The following MSRA variants were observed in gnomAD, a reference collection of about 807,000 sequenced individuals.
MSRA encodes the protein mitochondrial peptide methionine sulfoxide reductase.
In MSRA, 54 loss-of-function variants were observed where a neutral mutation model predicts 31.3. The observed-to-expected ratio is 1.73, with a 90% CI of 1.39 to 2.17. The LOEUF is 2.17. MSRA is among the 30% of genes most tolerant of loss of function. MSRA has a pLI of 0.00. For synonymous variants in MSRA, 169 were observed against 116.5 expected, an observed-to-expected ratio of 1.45 and a Z score of -2.90; for missense variants, 507 against 300.9, an observed-to-expected ratio of 1.69 and a Z score of -5.07.
At chr8:10,245,270 G>T (rs1290460112) in intron 3 of MSRA, 47 bp downstream of exon 3, 20 of 1,573,962 alleles carry the variant, frequency 1.3e-5, no homozygotes, top group East Asian at 4.5e-5. Flanking sequence ...ACAAGGGAGG[G>T]CTTGTCACTA....
intron 1 of MSRA, among the ~76,000 whole-genome samples, chr8:10,089,875 T>G (rs978284812): frequency 7.2e-5 from 11 of 152,184 alleles, no homozygotes; most frequent in Non-Finnish European, 1.5e-4. Flanking sequence ...AGAGCTCACT[T>G]GATCCCTTGA....
intron 2 of MSRA, among the ~76,000 whole-genome samples, chr8:10,218,990 C>T (rs1446188196): frequency 1.3e-5 from 2 of 152,176 alleles, no homozygotes; most frequent in African/African-American, 4.8e-5. Flanking sequence ...GTTCTTTCCC[C>T]AGATCTTGTG....
rs1385731390 is a variant in MSRA, at chr8:10,187,182, A to G, written c.143-20651A>G. On this transcript the variant is annotated intron_variant, in intron 1 of 5. Coordinates refer to ENST00000317173, the MANE Select transcript of MSRA (RefSeq NM_012331.5). ...CGGGAAATGGTACGACCAGCCGCTG[A>G]TTGAGCCCCCTTTGACATTTGGTCT... is the stretch of plus-strand genomic sequence containing the variant. Among the ~76,000 whole-genome samples the G allele has an allele frequency of 2.0e-5, 3 of 152,212 alleles. No homozygotes were observed. In the East Asian group the frequency reaches 5.8e-4, roughly 29 times the overall value.
chr8:10,106,622 G>C (rs559258637), intron 1 of MSRA, among the ~76,000 whole-genome samples: 4 of 152,286 alleles, frequency 2.6e-5, no homozygotes, highest in African/African-American at 7.2e-5. Flanking sequence ...TGAAGTGCCT[G>C]GGCTTGTTAG....
chr8:10,229,884 ACT>A (rs1274162081), intron 2 of MSRA, among the ~76,000 whole-genome samples: 1 of 152,066 alleles, frequency 6.6e-6, no homozygotes, highest in Non-Finnish European at 1.5e-5. Flanking sequence ...TCTGTGTTTG[ACT>A]CTGCATTCCC....
intron 3 of MSRA, among the ~76,000 whole-genome samples, chr8:10,258,210 C>T (rs1382164376): frequency 6.6e-6 from 1 of 152,158 alleles, no homozygotes; most frequent in Non-Finnish European, 1.5e-5. Context: ...GACGCAGGGA[C>T]AGTCTATGTC....
chr8:10,230,830 G>C (rs1811407487), intron 2 of MSRA, among the ~76,000 whole-genome samples: 1 of 152,154 alleles, frequency 6.6e-6, no homozygotes, highest in African/African-American at 2.4e-5. Flanking sequence ...CGTTGCCCAG[G>C]CTGGAGTATA....
intron 2 of MSRA, among the ~76,000 whole-genome samples, chr8:10,243,769 A>G (rs571555865): frequency 6.6e-6 from 1 of 152,296 alleles, no homozygotes; most frequent in African/African-American, 2.4e-5. Context: ...AGTAGTTATA[A>G]TAAAAGTGCA....
intron 2 of MSRA, among the ~76,000 whole-genome samples, chr8:10,232,078 A>G (rs1167590925): frequency 6.6e-6 from 1 of 152,170 alleles, no homozygotes; most frequent in African/African-American, 2.4e-5. Context: ...CACTCCTCCT[A>G]TCCAGCCTAA....
intron 4 of MSRA, among the ~76,000 whole-genome samples, chr8:10,311,606 T>C (rs935366372): frequency 3.3e-5 from 5 of 152,168 alleles, no homozygotes; most frequent in African/African-American, 1.2e-4. Flanking sequence ...AAAATCGTCT[T>C]ATGTTAGAAA....
intron 3 of MSRA, among the ~76,000 whole-genome samples, chr8:10,257,212 T>C (rs996208712): frequency 2.6e-5 from 4 of 152,080 alleles, no homozygotes; most frequent in African/African-American, 9.7e-5. Context: ...TTCAAGTGAC[T>C]TGAGAGGATC....
intron 5 of MSRA, among the ~76,000 whole-genome samples, chr8:10,409,565 C>T (rs1187402364): frequency 1.3e-5 from 2 of 152,204 alleles, no homozygotes; most frequent in Non-Finnish European, 2.9e-5. Flanking sequence ...GCAGCAGATA[C>T]TACTGTGATC....
chr8:10,139,120 G>A (rs1585011881), intron 1 of MSRA, among the ~76,000 whole-genome samples: 1 of 152,326 alleles, frequency 6.6e-6, no homozygotes, highest in East Asian at 1.9e-4. Flanking sequence ...AGTGGAAAAT[G>A]CCGAAGAATA....
intron 1 of MSRA, among the ~76,000 whole-genome samples, chr8:10,124,988 G>A (rs1441003588): frequency 6.6e-6 from 1 of 152,168 alleles, no homozygotes; most frequent in Non-Finnish European, 1.5e-5. Context: ...TAGTAAGATT[G>A]AAAGAAAGTA....
intron 4 of MSRA, among the ~76,000 whole-genome samples, chr8:10,305,409 C>CTTTTTTTTTT (rs549346544): frequency 3.3e-4 from 40 of 122,942 alleles, no homozygotes; most frequent in African/African-American, 1.2e-3. Context: ...TGTTTTCTTC[C>CTTTTTTTTTT]TTTTTTTTTT....
At chr8:10,406,960 C>G (rs1807856739) in intron 5 of MSRA, among the ~76,000 whole-genome samples, 1 of 152,226 alleles carries the variant, frequency 6.6e-6, no homozygotes, top group Non-Finnish European at 1.5e-5. Context: ...TCCCTGTGGC[C>G]TCAGCCTTCT....
At chr8:10,252,011 A>C (rs928005171) in intron 3 of MSRA, among the ~76,000 whole-genome samples, 1 of 152,158 alleles carries the variant, frequency 6.6e-6, no homozygotes. Flanking sequence ...AGAGGTAATG[A>C]TGTTTGAACT....
chr8:10,228,768 G>A (rs888215608), intron 2 of MSRA, among the ~76,000 whole-genome samples: 8 of 152,288 alleles, frequency 5.3e-5, no homozygotes, highest in Middle Eastern at 3.4e-3. Flanking sequence ...CTTAAGTTGG[G>A]GCTAGTAGCA....
chr8:10,295,632 G>T (rs944654396), intron 3 of MSRA, among the ~76,000 whole-genome samples: 1 of 152,186 alleles, frequency 6.6e-6, no homozygotes, highest in African/African-American at 2.4e-5. Context: ...GAGAACTTGG[G>T]GTGTCATTCT....
Sources: gnomAD v4.1 joint callset for allele counts (sites outside exome capture counted in the v4.1 genomes callset) on GRCh38, gnomAD v4.1.1 for gene constraint, MANE v1.5 for transcripts, NCBI Gene and HGNC (gene_info 2026-07-23, HGNC 2026-07-21) for gene names.